GRAMD4: variants seen among roughly 807,000 people sequenced by gnomAD.
The protein encoded by GRAMD4 is GRAM domain-containing protein 4.
In GRAMD4, 25 loss-of-function variants were observed where a neutral mutation model predicts 83.9. The observed-to-expected ratio is 0.30, with a 90% confidence interval of 0.22 to 0.42. The LOEUF (loss-of-function observed/expected upper bound fraction) is 0.42. GRAMD4 is among the 10% of genes least tolerant of loss of function. GRAMD4 has a pLI of 1.00. For synonymous variants in GRAMD4, 336 were observed against 320.9 expected (o/e 1.05, Z -0.50); for missense variants, 593 against 788.7 (o/e 0.75, Z 2.97).
At chr22:46,635,384 C>A (rs74201820) in intron 2 of GRAMD4, among the ~76,000 whole-genome samples, 3 of 23,216 alleles carry the variant, frequency 1.3e-4, no homozygotes, top group Non-Finnish European at 8.3e-5. Context: ...CCTGCCCCCG[C>A]CCCCGGCCAC....
chr22:46,597,118 G>C (rs2081269389), intron 1 of GRAMD4, among the ~76,000 whole-genome samples: 1 of 152,208 alleles, frequency 6.6e-6, no homozygotes, highest in African/African-American at 2.4e-5. Context: ...TTGGAGAGCT[G>C]CAAAGTGGCT....
At chr22:46,597,723 T>C (rs2081275904) in intron 1 of GRAMD4, among the ~76,000 whole-genome samples, 2 of 152,092 alleles carry the variant, frequency 1.3e-5, no homozygotes, top group South Asian at 4.1e-4. Context: ...TCTCCTGACC[T>C]CGTGATCTGC....
rs775268289 is a variant in GRAMD4 at position 46,668,780 on chromosome 22, G to A, written c.975-19G>A. ...GCCCTGCGGCGCCCGCCCGGCCTGAGCCTCCCGTCTCCTTCCAGCTTGTTC... is the reference window on the plus strand; with the variant it reads ...GCCCTGCGGCGCCCGCCCGGCCTGAACCTCCCGTCTCCTTCCAGCTTGTTC... On this transcript the variant is annotated intron_variant, in intron 12 of 18. Coordinates refer to ENST00000406902, the MANE Select transcript of GRAMD4 (RefSeq NM_015124.5). 1.9e-6 allele frequency: 3 copies of A among 1,599,378 alleles called. No individual in the cohort carries two copies. Among genetic ancestry groups the A allele is most frequent in the Non-Finnish European group, 2.6e-6 (3 of 1,169,230 alleles).
At chr22:46,644,684 C>T (rs575021854) in intron 3 of GRAMD4, among the ~76,000 whole-genome samples, 6 of 143,824 alleles carry the variant, frequency 4.2e-5, no homozygotes, top group Admixed American at 3.5e-4. Context: ...ATCCACTTGT[C>T]CACTTGTTCC....
intron 9 of GRAMD4, 142 bp downstream of exon 9, chr22:46,665,848 C>G (rs1416738545): frequency 1.7e-6 from 1 of 600,498 alleles, no homozygotes; most frequent in South Asian, 1.9e-5. Flanking sequence ...GCTCCAGAGA[C>G]CCCCCAGGCA....
chr22:46,601,779 G>T (rs1602319296), intron 1 of GRAMD4, among the ~76,000 whole-genome samples: 1 of 152,252 alleles, frequency 6.6e-6, no homozygotes, highest in East Asian at 1.9e-4. Context: ...CTGGGTGACA[G>T]AGCAAGACCT....
intron 6 of GRAMD4, 81 bp from the exon 7 acceptor site, chr22:46,663,757 G>C (rs2082366479): frequency 1.4e-6 from 2 of 1,412,138 alleles, no homozygotes; most frequent in Non-Finnish European, 2.0e-6. Context: ...CCCCTGCAGA[G>C]CCAACGGAAC....
At chr22:46,646,274 G>A (rs1330621946) in intron 3 of GRAMD4, among the ~76,000 whole-genome samples, 1 of 152,226 alleles carries the variant, frequency 6.6e-6, no homozygotes, top group Non-Finnish European at 1.5e-5. Context: ...GTGACTTGGA[G>A]AGAGACTGCC....
At chr22:46,630,490 C>T (rs908548199) in intron 2 of GRAMD4, among the ~76,000 whole-genome samples, 8 of 152,208 alleles carry the variant, frequency 5.3e-5, no homozygotes, top group South Asian at 2.1e-4. Flanking sequence ...CAGGATCTAC[C>T]GCATTCTCAT....
At chr22:46,604,141 G>A (rs745978924) in intron 1 of GRAMD4, among the ~76,000 whole-genome samples, 10 of 152,114 alleles carry the variant, frequency 6.6e-5, no homozygotes, top group Non-Finnish European at 1.0e-4. Context: ...TTCATGCGCC[G>A]TTAACATGCT....
chr22:46,647,385 T>G (rs1332707907), intron 3 of GRAMD4, among the ~76,000 whole-genome samples: 3 of 152,228 alleles, frequency 2.0e-5, no homozygotes, highest in Non-Finnish European at 4.4e-5. Flanking sequence ...CCTGGGATAC[T>G]TCATTGCCCA....
At chr22:46,604,473 G>A (rs2081346098) in intron 1 of GRAMD4, among the ~76,000 whole-genome samples, 1 of 152,068 alleles carries the variant, frequency 6.6e-6, no homozygotes, top group Non-Finnish European at 1.5e-5. Flanking sequence ...ACACTGTTCT[G>A]CAACCGTCAC....
intron 3 of GRAMD4, among the ~76,000 whole-genome samples, chr22:46,650,379 G>T (rs111849348): frequency 4.4e-4 from 56 of 128,090 alleles, no homozygotes; most frequent in African/African-American, 8.6e-4. Flanking sequence ...TGGGTGGAGG[G>T]CTGGGCGTCG....
In GRAMD4 at chr22:46,620,921, C is replaced by T. The variant is rs530521715; in HGVS notation, c.-50+356C>T. Among the ~76,000 whole-genome samples, 8 of 151,814 alleles carry T rather than the reference C, an allele frequency of 5.3e-5. No homozygotes were observed. The South Asian group carries it at 1.0e-3, about 20-fold the overall frequency. ...GATCTGAGAGGGAGGGAGGCCCATCCGAGAGGGAGGAGGCCGATCTGAGAG... is the reference window on the plus strand; with the variant it reads ...GATCTGAGAGGGAGGGAGGCCCATCTGAGAGGGAGGAGGCCGATCTGAGAG... On this transcript the variant is annotated intron_variant, in intron 1 of 18. Coordinates refer to ENST00000406902, the MANE Select transcript of GRAMD4 (RefSeq NM_015124.5). The surrounding 1 kb of genome is among the most constrained non-coding windows in gnomAD (Gnocchi z 4.7).
chr22:46,582,388 C>T (rs2081106902), intron 1 of GRAMD4, among the ~76,000 whole-genome samples: 2 of 152,100 alleles, frequency 1.3e-5, no homozygotes, highest in African/African-American at 4.8e-5. Context: ...GGTTCCCCTG[C>T]CGGCCGTTCC....
chr22:46,643,138 T>TTCATTTATCCATC (rs1569283818), intron 3 of GRAMD4, among the ~76,000 whole-genome samples: 1 of 53,614 alleles, frequency 1.9e-5, no homozygotes. Context: ...CATCCATGCA[T>TTCATTTATCCATC]CCTTCCATCC....
chr22:46,663,510 C>T (rs1020261490), intron 6 of GRAMD4, among the ~76,000 whole-genome samples: 1 of 152,196 alleles, frequency 6.6e-6, no homozygotes, highest in Non-Finnish European at 1.5e-5. Context: ...CAGGTGCTGC[C>T]ATAGGCCCTG....
chr22:46,661,736 C>T (rs956790858), intron 5 of GRAMD4, among the ~76,000 whole-genome samples: 29 of 152,270 alleles, frequency 1.9e-4, no homozygotes, highest in African/African-American at 7.0e-4. Flanking sequence ...TACACACGTA[C>T]TCTGTTTCAG....
chr22:46,669,577 C>CTG (rs1299561933), intron 13 of GRAMD4, among the ~76,000 whole-genome samples: 1 of 150,596 alleles, frequency 6.6e-6, no homozygotes, highest in Non-Finnish European at 1.5e-5. Context: ...CTCTCTCTCT[C>CTG]TCTTTTTTTT....
Sources: gnomAD v4.1 joint callset for allele counts (sites outside exome capture counted in the v4.1 genomes callset) on GRCh38, gnomAD v4.1.1 for gene constraint, Gnocchi (gnomAD v3.1) non-coding constraint, MANE v1.5 for transcripts, NCBI Gene and HGNC (gene_info 2026-07-23, HGNC 2026-07-21) for gene names.